Variants in SKA2 observed in about 807,000 individuals in gnomAD.
SKA2 encodes the protein spindle and kinetochore-associated protein 2.
SKA2 carries 13 observed loss-of-function variants against 16.9 expected under a neutral mutation model. That is an observed-to-expected ratio of 0.77 (90% CI 0.50 to 1.22). The LOEUF is 1.22. Ranked by LOEUF, SKA2 falls within the 50% of genes most tolerant of loss-of-function variation. The probability of loss-of-function intolerance (pLI) is 0.00; values close to 1 mark genes in which losing one functional copy is unlikely to be tolerated. For synonymous variants in SKA2, 47 were observed against 48.5 expected (o/e 0.97, Z 0.13); for missense variants, 107 against 139.7 (o/e 0.77, Z 1.18).
chr17:59,147,377 G>GACACACACACACAC (rs57098353), intron 1 of SKA2, among the ~76,000 whole-genome samples: 3,834 of 138,148 alleles, frequency 0.028, 95 homozygotes, highest in South Asian at 0.059. Flanking sequence ...TTATATATAA[G>GACACACACACACAC]ACACACACAC....
intron 1 of SKA2, among the ~76,000 whole-genome samples, chr17:59,148,823 A>AG (rs1356494025): frequency 1.3e-5 from 2 of 150,708 alleles, no homozygotes; most frequent in Non-Finnish European, 3.0e-5. Context: ...AAAAAAAAAA[A>AG]AAAAAAAGAA....
At chr17:59,154,013 GC>G (rs1196110334) in intron 1 of SKA2, among the ~76,000 whole-genome samples, 1 of 151,146 alleles carries the variant, frequency 6.6e-6, no homozygotes, top group African/African-American at 2.4e-5. Flanking sequence ...CTCTTGATCC[GC>G]CCGCCTCGGC....
At chr17:59,112,382 TTTC>T in intron 3 of SKA2, 37 bp from the exon 4 acceptor site, 1 of 1,505,478 alleles carries the variant, frequency 6.6e-7, no homozygotes. Context: ...TTTCAAAAAC[TTTC>T]AAAGACTTAA....
At position 59,125,147 on chromosome 17, in the gene SKA2, ATT is replaced by A. The variant is rs10719455; in HGVS notation, c.121-5654_121-5653del. ...CGCCACTACGCCTGGCTAATTTTGT[ATT>A]TTTTTTTTTTTTTTTTTTTTAGTAG... On this transcript the variant is annotated intron_variant, in intron 2 of 3. Coordinates refer to ENST00000330137, the MANE Select transcript of SKA2 (RefSeq NM_182620.4). Among the ~76,000 whole-genome samples, 57 of 95,910 alleles carry A rather than the reference ATT, an allele frequency of 5.9e-4. 1 individual carries two copies. Among genetic ancestry groups the A allele is most frequent in the Admixed American group, 6.8e-4 (6 of 8,766 alleles). The allele number at this position is 95,910 out of a possible 152,430, so 62.9% of individuals were successfully genotyped here. A position where few individuals can be genotyped will look rare whatever the true frequency, so the allele number is the denominator to read the frequency against.
intron 1 of SKA2, chr17:59,151,252 T>C (rs1188796414): frequency 2.1e-6 from 1 of 486,302 alleles, no homozygotes; most frequent in African/African-American, 2.0e-5. Context: ...AAAAGCATCT[T>C]GCATCGGTTG....
chr17:59,119,063 T>C (rs894703813), intron 3 of SKA2, among the ~76,000 whole-genome samples: 1 of 152,180 alleles, frequency 6.6e-6, no homozygotes, highest in African/African-American at 2.4e-5. Context: ...TGCTAGATTT[T>C]ATAAGTATTA....
intron 1 of SKA2, among the ~76,000 whole-genome samples, chr17:59,140,842 C>G (rs2046483081): frequency 6.7e-6 from 1 of 149,974 alleles, no homozygotes; most frequent in Non-Finnish European, 1.5e-5. Context: ...CTAGGATGAC[C>G]TCAATCTCCT....
chr17:59,112,244 C>T lies in SKA2; in HGVS notation c.*33G>A, dbSNP rs994438339. On this transcript the variant is annotated 3_prime_UTR_variant, in exon 4 of 4. Transcript: ENST00000330137. The stretch of plus-strand genomic sequence containing the variant: ...TAAATTTCTCCGGAATTAAGCTCTT[C>T]TCTGTTAGAATTTCCTTTCCAAGTC... 2.6e-6 allele frequency: 4 copies of T among 1,556,456 alleles called. No homozygotes were observed. Among genetic ancestry groups the T allele is most frequent in the Admixed American group, 1.7e-5 (1 of 57,356 alleles).
In SKA2 at chr17:59,135,837, A is replaced by G. The variant is rs1661442630; in HGVS notation, c.34-4470T>C. Among the ~76,000 whole-genome samples the G allele has an allele frequency of 5.4e-5, 8 of 148,422 alleles. 1 individual carries two copies. The South Asian group carries it at 1.5e-3, about 27-fold the overall frequency. On this transcript the variant is annotated intron_variant, in intron 1 of 3. Coordinates refer to ENST00000330137, the MANE Select transcript of SKA2 (RefSeq NM_182620.4). Reference sequence around the variant, plus strand: ...TATTTAATTTTATATTTTAAAAAATATATTTTTAAAAAATATAAAATAATT... The same window carrying G: ...TATTTAATTTTATATTTTAAAAAATGTATTTTTAAAAAATATAAAATAATT...
At chr17:59,123,031 AAAAAAAAAG>A (rs2046346103) in intron 2 of SKA2, among the ~76,000 whole-genome samples, 1 of 150,770 alleles carries the variant, frequency 6.6e-6, no homozygotes, top group African/African-American at 2.4e-5. Flanking sequence ...CAAAAAAAAA[AAAAAAAAAG>A]AAAAGAAAAG....
At chr17:59,121,778 G>A (rs1183034787) in intron 2 of SKA2, among the ~76,000 whole-genome samples, 2 of 119,064 alleles carry the variant, frequency 1.7e-5, no homozygotes, top group African/African-American at 3.4e-5. Context: ...GTGAAACACC[G>A]TCTCTACGAA....
chr17:59,122,841 T>C (rs2046344319), intron 2 of SKA2, among the ~76,000 whole-genome samples: 1 of 151,928 alleles, frequency 6.6e-6, no homozygotes, highest in African/African-American at 2.4e-5. Context: ...CAGGCTGGTC[T>C]AGAACTCCTG....
Position 59,112,356 on chromosome 17 carries a change from AATG to A in SKA2, c.298-14_298-12del, listed in dbSNP as rs2046269057. The stretch of plus-strand genomic sequence containing the variant: ...AGTCAGTGGTGACAGCTAGAAAATA[AATG>A]ATAAAATCTTTATTTCAAAAACTTT... On this transcript the variant is annotated splice_polypyrimidine_tract_variant and intron_variant, in intron 3 of 3. Transcript: ENST00000330137. 6.3e-7 allele frequency: 1 copy of A among 1,599,538 alleles called. No homozygotes were observed. Among genetic ancestry groups the A allele is most frequent in the Non-Finnish European group, 8.5e-7 (1 of 1,174,648 alleles).
chr17:59,126,961 C>T (rs1172984175), intron 2 of SKA2, among the ~76,000 whole-genome samples: 2 of 152,176 alleles, frequency 1.3e-5, no homozygotes, highest in Non-Finnish European at 2.9e-5. Context: ...GACACTGCTA[C>T]ACTATATATG....
intron 1 of SKA2, among the ~76,000 whole-genome samples, chr17:59,137,342 A>G (rs189551314): frequency 6.6e-6 from 1 of 152,298 alleles, no homozygotes; most frequent in East Asian, 1.9e-4. Context: ...TTCACCTAAA[A>G]TTAAAGTTTT....
At chr17:59,152,483 G>A (rs1307888208) in intron 1 of SKA2, among the ~76,000 whole-genome samples, 2 of 152,070 alleles carry the variant, frequency 1.3e-5, no homozygotes, top group Admixed American at 1.3e-4. Flanking sequence ...TAAAAGATAA[G>A]TGTTTAACTT....
chr17:59,110,731 G>C lies in SKA2; in HGVS notation c.*1546C>G, dbSNP rs1017674792. On this transcript the variant is annotated 3_prime_UTR_variant, in exon 4 of 4. Transcript: ENST00000330137. ...TTGAACCTGGGAGGTGGAGGTTGCA[G>C]TGAGCTGAGAGCGTACCACTGCATT... The C allele has an allele frequency of 3.4e-5, 5 of 145,088 alleles. No individual in the cohort carries two copies. Among genetic ancestry groups the C allele is most frequent in the Non-Finnish European group, 3.0e-5 (2 of 66,696 alleles). The allele number at this position is 145,088 out of a possible 1,614,324, so 9.0% of individuals were successfully genotyped here. A position where few individuals can be genotyped will look rare whatever the true frequency, so the allele number is the denominator to read the frequency against.
rs2046260089 is a variant in SKA2 at position 59,110,894 on chromosome 17, T to C, written c.*1383A>G. 6.6e-6 allele frequency: 1 copy of C among 151,992 alleles called. No homozygotes were observed. The highest frequency in any genetic ancestry group is 1.9e-4 in the East Asian group (1 of 5,190). The allele number at this position is 151,992 out of a possible 1,614,324, so 9.4% of individuals were successfully genotyped here. On this transcript the variant is annotated 3_prime_UTR_variant, in exon 4 of 4. Coordinates refer to ENST00000330137, the MANE Select transcript of SKA2 (RefSeq NM_182620.4). Reference sequence around the variant, plus strand: ...TCACAACCCTGTTTTTCAGCTATTATAAGTTTGTTAATGGACAAACATGTT... The same window carrying C: ...TCACAACCCTGTTTTTCAGCTATTACAAGTTTGTTAATGGACAAACATGTT...
chr17:59,129,955 G>GGGAAGGAA (rs1208037310), intron 2 of SKA2, among the ~76,000 whole-genome samples: 1 of 138,770 alleles, frequency 7.2e-6, no homozygotes, highest in Non-Finnish European at 1.6e-5. Context: ...GAGGGAAGGA[G>GGGAAGGAA]GGAAGGAAGG....
Sources: gnomAD v4.1 joint callset for allele counts (sites outside exome capture counted in the v4.1 genomes callset) on GRCh38, gnomAD v4.1.1 for gene constraint, MANE v1.5 for transcripts, NCBI Gene and HGNC (gene_info 2026-07-23, HGNC 2026-07-21) for gene names.